The following RIPOR2 variants were observed in gnomAD, a reference collection of about 807,000 sequenced individuals.
RIPOR2 encodes the protein rho family-interacting cell polarization regulator 2.
RIPOR2 carries 39 observed loss-of-function variants against 114.5 expected under a neutral mutation model. That is an observed-to-expected ratio of 0.34 (90% CI 0.26 to 0.44). RIPOR2 has a LOEUF of 0.44. RIPOR2 is among the 20% of genes least tolerant of loss of function. The pLI is 1.00. For synonymous variants in RIPOR2, 445 were observed against 484.4 expected, an observed-to-expected ratio of 0.92 and a Z score of 1.07; for missense variants, 1,007 against 1,255.1, an observed-to-expected ratio of 0.80 and a Z score of 2.99.
At chr6:24,839,570 C>G (rs1581544693) in intron 13 of RIPOR2, 1 of 1,492,266 alleles carries the variant, frequency 6.7e-7, no homozygotes, top group African/African-American at 1.4e-5. Context: ...GATGGGCACA[C>G]TGGGATCCAT....
chr6:25,025,440 C>A (rs1776566126), intron 1 of RIPOR2, among the ~76,000 whole-genome samples: 1 of 151,880 alleles, frequency 6.6e-6, no homozygotes, highest in Non-Finnish European at 1.5e-5. Context: ...CGTGACGAGG[C>A]TTTTTTAGGG....
chr6:25,013,549 T>C (rs1462567579), intron 1 of RIPOR2, among the ~76,000 whole-genome samples: 4 of 152,190 alleles, frequency 2.6e-5, no homozygotes, highest in Admixed American at 2.6e-4. Context: ...CTCTGCCAGT[T>C]TTACAAATAG....
intron 1 of RIPOR2, among the ~76,000 whole-genome samples, chr6:24,908,853 G>A (rs576105731): frequency 4.6e-5 from 7 of 152,292 alleles, no homozygotes; most frequent in East Asian, 3.9e-4. Flanking sequence ...TTCTGGAATT[G>A]TGTTTGTGTA....
intron 2 of RIPOR2, 119 bp downstream of exon 2, chr6:24,875,572 A>AATGGGGAG (rs1581680600): frequency 3.4e-6 from 3 of 873,070 alleles, no homozygotes; most frequent in Non-Finnish European, 3.5e-6. Flanking sequence ...AAAAGATTAA[A>AATGGGGAG]ATGGGGAGGA....
chr6:24,940,292 CT>C (rs1455743301), upstream of RIPOR2, among the ~76,000 whole-genome samples: 1 of 152,142 alleles, frequency 6.6e-6, no homozygotes, highest in Non-Finnish European at 1.5e-5. Context: ...CCAACGTGGG[CT>C]TTTATTCCAA....
chr6:24,904,918 G>T (rs1199206391), intron 1 of RIPOR2, among the ~76,000 whole-genome samples: 1 of 152,098 alleles, frequency 6.6e-6, no homozygotes, highest in Non-Finnish European at 1.5e-5. Context: ...GGGATTACAG[G>T]CGTATACCAC....
intron 1 of RIPOR2, among the ~76,000 whole-genome samples, chr6:24,921,651 G>GCCCCCCCCCC (rs143776369): frequency 2.7e-5 from 4 of 146,886 alleles, no homozygotes; most frequent in East Asian, 2.0e-4. Context: ...AACACTTATC[G>GCCCCCCCCCC]CCCCCCCCGA....
chr6:24,840,923 G>T, intron 13 of RIPOR2: 1 of 733,582 alleles, frequency 1.4e-6, no homozygotes. Context: ...AGTCGGTCTT[G>T]ACTTCACCTA....
At chr6:24,875,289 T>C (rs955802991) in intron 2 of RIPOR2, among the ~76,000 whole-genome samples, 1 of 152,230 alleles carries the variant, frequency 6.6e-6, no homozygotes, top group Non-Finnish European at 1.5e-5. Flanking sequence ...AAAACTAACT[T>C]TGGCAACCTC....
intron 1 of RIPOR2, among the ~76,000 whole-genome samples, chr6:25,022,531 C>CTTTTTTTTTTT (rs1561848668): frequency 4.6e-5 from 3 of 64,528 alleles, no homozygotes; most frequent in Non-Finnish European, 6.9e-5. Context: ...TGGTACCTTC[C>CTTTTTTTTTTT]ATTTTTTTTT....
At chr6:24,998,697 A>G (rs2113640171) in intron 1 of RIPOR2, among the ~76,000 whole-genome samples, 1 of 152,332 alleles carries the variant, frequency 6.6e-6, no homozygotes, top group South Asian at 2.1e-4. Context: ...AAAAAAATCT[A>G]CAATAAACAA....
intron 1 of RIPOR2, among the ~76,000 whole-genome samples, chr6:24,941,283 A>G (rs1772120072): frequency 1.3e-5 from 2 of 152,078 alleles, no homozygotes; most frequent in South Asian, 2.1e-4. Flanking sequence ...CGAGAGTTCT[A>G]TGGCAAGACT....
At chr6:24,958,591 G>T (rs781378415) in intron 1 of RIPOR2, among the ~76,000 whole-genome samples, 1 of 152,124 alleles carries the variant, frequency 6.6e-6, no homozygotes, top group South Asian at 2.1e-4. Context: ...TTCCTGAGAC[G>T]TATAATCAAC....
At chr6:24,985,363 C>T (rs1035060772) in intron 1 of RIPOR2, among the ~76,000 whole-genome samples, 3 of 30,938 alleles carry the variant, frequency 9.7e-5, no homozygotes, top group South Asian at 3.6e-3. Context: ...GCTCCATAGA[C>T]CAAGTGATTT....
At chr6:24,990,303 A>G (rs1774748496) in intron 1 of RIPOR2, among the ~76,000 whole-genome samples, 2 of 152,258 alleles carry the variant, frequency 1.3e-5, no homozygotes, top group South Asian at 4.1e-4. Context: ...TAATAGGTGG[A>G]TATTTGCAAA....
At chr6:24,847,265 T>C (rs574831952) in intron 12 of RIPOR2, among the ~76,000 whole-genome samples, 1 of 152,334 alleles carries the variant, frequency 6.6e-6, no homozygotes, top group African/African-American at 2.4e-5. Context: ...ATGCCAGTTT[T>C]TGAAAGGCTT....
At chr6:24,952,366 G>A (rs1274924722) in intron 1 of RIPOR2, among the ~76,000 whole-genome samples, 1 of 152,174 alleles carries the variant, frequency 6.6e-6, no homozygotes, top group Non-Finnish European at 1.5e-5. Context: ...GGCTGCTGGG[G>A]ATATAGACTG....
intron 1 of RIPOR2, among the ~76,000 whole-genome samples, chr6:24,879,955 A>G (rs1017912086): frequency 6.6e-6 from 1 of 152,252 alleles, no homozygotes; most frequent in Non-Finnish European, 1.5e-5. Context: ...AGTAATCTGC[A>G]TTTTAATAGC....
intron 1 of RIPOR2, among the ~76,000 whole-genome samples, chr6:24,981,014 T>G (rs1774266127): frequency 1.3e-5 from 2 of 152,222 alleles, no homozygotes; most frequent in African/African-American, 4.8e-5. Flanking sequence ...CTGTAGGAGA[T>G]GCAAAAACAA....
Sources: allele counts gnomAD v4.1 joint callset (sites outside exome capture counted in the v4.1 genomes callset), GRCh38; gene constraint gnomAD v4.1.1; transcripts MANE v1.5; gene names NCBI Gene and HGNC (gene_info 2026-07-23, HGNC 2026-07-21).